Variants in STK39 observed in about 807,000 individuals in gnomAD.
The protein encoded by STK39 is serine/threonine kinase 39.
In STK39, 20 loss-of-function variants were observed where a neutral mutation model predicts 77.8. The observed-to-expected ratio is 0.26, with a 90% CI of 0.18 to 0.37. The LOEUF is 0.37. Ranked by LOEUF, STK39 falls within the 10% of genes least tolerant of loss-of-function variation. The probability of loss-of-function intolerance (pLI) is 1.00; values close to 1 mark genes in which losing one functional copy is unlikely to be tolerated. For synonymous variants in STK39, 246 were observed against 234.1 expected, an observed-to-expected ratio of 1.05 and a Z score of -0.47; for missense variants, 479 against 656.5, an observed-to-expected ratio of 0.73 and a Z score of 2.95.
chr2:168,153,648 G>A (rs1574508125), intron 5 of STK39, among the ~76,000 whole-genome samples: 1 of 146,282 alleles, frequency 6.8e-6, no homozygotes, highest in East Asian at 2.0e-4. Context: ...GTGGGGGGGG[G>A]TTACAATATG....
intron 5 of STK39, among the ~76,000 whole-genome samples, chr2:168,155,746 T>C (rs1384204360): frequency 6.6e-6 from 1 of 152,194 alleles, no homozygotes. Context: ...TTTCAGCCTT[T>C]AAAATATGCA....
At position 168,155,972 on chromosome 2, in the gene STK39, C is replaced by T. The variant is rs548837773; in HGVS notation, c.628+5815G>A. The stretch of plus-strand genomic sequence containing the variant: ...AAGTTCAGGAACACCTGCCATGTAT[C>T]AGGTACCATCTGGGAATGCTGCGAT... On this transcript the variant is annotated intron_variant, in intron 5 of 17. Coordinates refer to ENST00000355999, the MANE Select transcript of STK39 (RefSeq NM_013233.3). 5.9e-5 allele frequency among the ~76,000 whole-genome samples: 9 copies of T among 152,306 alleles called. No homozygotes were observed. The South Asian group carries it at 1.9e-3, about 32-fold the overall frequency.
chr2:168,219,958 C>T (rs1194981124), intron 1 of STK39, among the ~76,000 whole-genome samples: 1 of 151,292 alleles, frequency 6.6e-6, no homozygotes, highest in Non-Finnish European at 1.5e-5. Context: ...CTATAGAATG[C>T]ACCTTGAAAC....
intron 10 of STK39, among the ~76,000 whole-genome samples, chr2:168,077,862 C>G (rs1686120146): frequency 6.7e-6 from 1 of 149,962 alleles, no homozygotes; most frequent in South Asian, 2.1e-4. Context: ...AGTAAATGGT[C>G]TTATTCGGGA....
chr2:168,002,247 C>T (rs978185026), intron 16 of STK39, among the ~76,000 whole-genome samples: 8 of 152,170 alleles, frequency 5.3e-5, no homozygotes, highest in African/African-American at 1.9e-4. Flanking sequence ...AAAATCAGGG[C>T]TTACAGTGTG....
At chr2:167,969,057 C>T (rs1003352258) in intron 16 of STK39, among the ~76,000 whole-genome samples, 2 of 152,176 alleles carry the variant, frequency 1.3e-5, no homozygotes, top group African/African-American at 4.8e-5. Context: ...CACTTAGCCT[C>T]CTCTTTCTGC....
intron 16 of STK39, among the ~76,000 whole-genome samples, chr2:167,984,955 A>G (rs1683519463): frequency 2.6e-5 from 4 of 152,212 alleles, no homozygotes; most frequent in Admixed American, 2.6e-4. Flanking sequence ...GAATGTAAAA[A>G]AAACTAATGA....
chr2:168,188,010 G>A (rs979628651), intron 1 of STK39, among the ~76,000 whole-genome samples: 1 of 152,150 alleles, frequency 6.6e-6, no homozygotes, highest in Non-Finnish European at 1.5e-5. Context: ...CTCTTAGCAC[G>A]TGCAAGAACT....
chr2:167,956,692 ACACACTCTCTCT>A (rs1285231010), intron 17 of STK39, among the ~76,000 whole-genome samples: 14 of 45,766 alleles, frequency 3.1e-4, no homozygotes, highest in African/African-American at 1.5e-3. Flanking sequence ...ACACACACAC[ACACACTCTCTCT>A]CTCTCTCTCT....
intron 16 of STK39, among the ~76,000 whole-genome samples, chr2:167,990,511 G>A (rs1683674068): frequency 6.6e-6 from 1 of 152,106 alleles, no homozygotes; most frequent in Non-Finnish European, 1.5e-5. Flanking sequence ...TTCTTGCCTG[G>A]GTAATGTAGT....
intron 14 of STK39, among the ~76,000 whole-genome samples, chr2:168,028,956 C>T (rs1684768865): frequency 6.6e-6 from 1 of 152,158 alleles, no homozygotes; most frequent in South Asian, 2.1e-4. Flanking sequence ...TGGAGCTGCA[C>T]ACATTGGTAC....
intron 1 of STK39, among the ~76,000 whole-genome samples, chr2:168,213,542 C>T (rs556976422): frequency 5.3e-5 from 8 of 151,810 alleles, no homozygotes; most frequent in Non-Finnish European, 1.2e-4. Context: ...AAACATTAGG[C>T]GGGCATCGTG....
chr2:168,042,040 AGAG>A (rs1242594228), intron 14 of STK39, among the ~76,000 whole-genome samples: 37 of 152,328 alleles, frequency 2.4e-4, no homozygotes, highest in East Asian at 3.9e-4. Context: ...TTTTGTCAAG[AGAG>A]GAGGACTAAA....
At position 168,140,715 on chromosome 2, in the gene STK39, G is replaced by C; in HGVS notation, c.672C>G (p.Thr224=). The C allele has an allele frequency of 6.2e-7, 1 of 1,610,660 alleles. No homozygotes were observed. The highest frequency in any genetic ancestry group is 8.5e-7 in the Non-Finnish European group (1 of 1,177,678). The change falls in exon 6 of 18, where the codon ACC becomes ACG. Residue 224 remains threonine, a synonymous_variant. Transcript: ENST00000355999. The part of the protein sequence containing the change: ...SAFLATGGDV[T]RNKVRKTFVG... ...CGAATGTTTTTCTTACTTTATTTCG[G>C]GTAACATCACCCCCTGTTGCTAGGA...
intron 1 of STK39, among the ~76,000 whole-genome samples, chr2:168,193,160 C>T (rs1216050873): frequency 6.6e-6 from 1 of 152,216 alleles, no homozygotes; most frequent in Non-Finnish European, 1.5e-5. Flanking sequence ...CACTTTAATG[C>T]CACCTCTCCA....
At chr2:168,156,064 A>T (rs1688421182) in intron 5 of STK39, among the ~76,000 whole-genome samples, 1 of 152,180 alleles carries the variant, frequency 6.6e-6, no homozygotes, top group South Asian at 2.1e-4. Flanking sequence ...TAAAGGCCCA[A>T]TGTCAGTGCT....
intron 5 of STK39, among the ~76,000 whole-genome samples, chr2:168,146,122 C>T (rs1331310933): frequency 3.9e-5 from 6 of 152,200 alleles, no homozygotes; most frequent in Non-Finnish European, 8.8e-5. Flanking sequence ...GCAAAAACTG[C>T]ATCTGGAATC....
intron 1 of STK39, among the ~76,000 whole-genome samples, chr2:168,199,366 C>T (rs968424582): frequency 2.0e-5 from 3 of 152,162 alleles, no homozygotes; most frequent in African/African-American, 7.2e-5. Context: ...ATCTACAGAT[C>T]AGACACCATC....
At chr2:168,152,217 C>G (rs558469614) in intron 5 of STK39, among the ~76,000 whole-genome samples, 77 of 152,350 alleles carry the variant, frequency 5.1e-4, no homozygotes, top group Non-Finnish European at 1.0e-3. Context: ...AATTCCCACA[C>G]CACATATCCA....
Sources: allele counts gnomAD v4.1 joint callset (sites outside exome capture counted in the v4.1 genomes callset), GRCh38; gene constraint gnomAD v4.1.1; transcripts MANE v1.5; gene names NCBI Gene and HGNC (gene_info 2026-07-23, HGNC 2026-07-21).